Variants in MACROD2 observed in about 807,000 individuals in gnomAD.
The protein encoded by MACROD2 is ADP-ribose glycohydrolase MACROD2.
In MACROD2, 36 loss-of-function variants were observed where a neutral mutation model predicts 70.4. The observed-to-expected ratio is 0.51, with a 90% confidence interval of 0.39 to 0.68. The LOEUF is 0.68. Among genes scored for constraint, MACROD2 ranks in the 30% least tolerant of loss-of-function variants. The pLI, the probability that MACROD2 is intolerant of heterozygous loss-of-function variation, is 0.00. For missense variants in MACROD2, 496 were observed against 538.4 expected, an observed-to-expected ratio of 0.92 and a Z score of 0.78; for synonymous variants, 172 against 178.8, an observed-to-expected ratio of 0.96 and a Z score of 0.30.
rs116314494 is a variant in MACROD2, at chr20:14,687,437, T to G, written c.418+2478T>G. On this transcript the variant is annotated intron_variant, in intron 5 of 17. Coordinates refer to ENST00000684519, the MANE Select transcript of MACROD2 (RefSeq NM_001351661.2). The stretch of plus-strand genomic sequence containing the variant: ...TCCTTTGAATACAATTCATCTTATT[T>G]TAGGGTTATTGAAGACTTGCACAAT... Among the ~76,000 whole-genome samples, 699 of 152,258 alleles carry G rather than the reference T, an allele frequency of 4.6e-3. 3 individuals carry two copies. The highest frequency in any genetic ancestry group is 0.016 in the African/African-American group (677 of 41,538).
chr20:16,021,072 A>G (rs967733605), intron 15 of MACROD2, among the ~76,000 whole-genome samples: 10 of 152,222 alleles, frequency 6.6e-5, no homozygotes, highest in African/African-American at 2.4e-4. Flanking sequence ...TGCTTCTGCC[A>G]TGACTCATTC....
chr20:15,387,896 C>T (rs541199330), intron 6 of MACROD2, among the ~76,000 whole-genome samples: 1 of 151,094 alleles, frequency 6.6e-6, no homozygotes, highest in South Asian at 2.1e-4. Context: ...GTGCATGCCA[C>T]CATGTCCAGC....
intron 5 of MACROD2, among the ~76,000 whole-genome samples, chr20:15,142,960 T>C (rs6074850): frequency 0.59 from 89,458 of 151,816 alleles, 26,496 homozygotes; most frequent in East Asian, 0.65. Flanking sequence ...TGAATACTGC[T>C]GCAATAAACA....
At chr20:15,931,349 T>G (rs988280346) in intron 10 of MACROD2, among the ~76,000 whole-genome samples, 1 of 152,168 alleles carries the variant, frequency 6.6e-6, no homozygotes, top group Non-Finnish European at 1.5e-5. Context: ...CAGGTTCTCA[T>G]ATTATATTCA....
intron 3 of MACROD2, among the ~76,000 whole-genome samples, chr20:14,274,477 G>T (rs2082230880): frequency 6.6e-6 from 1 of 152,048 alleles, no homozygotes; most frequent in Non-Finnish European, 1.5e-5. Context: ...AATAAATTAG[G>T]TATTGATGGG....
intron 5 of MACROD2, among the ~76,000 whole-genome samples, chr20:14,987,661 C>A (rs149231293): frequency 1.3e-5 from 2 of 151,972 alleles, no homozygotes; most frequent in African/African-American, 4.8e-5. Flanking sequence ...TATAAAGGAA[C>A]AAAAAATTAC....
chr20:14,816,804 G>A (rs2072779076), intron 5 of MACROD2, among the ~76,000 whole-genome samples: 1 of 151,684 alleles, frequency 6.6e-6, no homozygotes, highest in African/African-American at 2.4e-5. Context: ...ATGAGATTCT[G>A]GCCTTAAAAC....
intron 7 of MACROD2, among the ~76,000 whole-genome samples, chr20:15,446,319 TAGTTAA>T (rs1450096133): frequency 1.3e-5 from 2 of 152,176 alleles, no homozygotes; most frequent in African/African-American, 4.8e-5. Context: ...AGATCCTTTA[TAGTTAA>T]AGGTGATGCA....
At chr20:14,370,210 A>C (rs1420261431) in intron 3 of MACROD2, among the ~76,000 whole-genome samples, 1 of 152,158 alleles carries the variant, frequency 6.6e-6, no homozygotes, top group Non-Finnish European at 1.5e-5. Context: ...ATATTAATGT[A>C]TGAGTTATAA....
chr20:15,044,549 T>C (rs2075378814), intron 5 of MACROD2, among the ~76,000 whole-genome samples: 1 of 152,144 alleles, frequency 6.6e-6, no homozygotes. Flanking sequence ...ACTGTCTCAA[T>C]GGACTTCTCT....
intron 5 of MACROD2, among the ~76,000 whole-genome samples, chr20:15,169,502 C>T (rs888919081): frequency 6.6e-6 from 1 of 152,252 alleles, no homozygotes; most frequent in African/African-American, 2.4e-5. Context: ...AGTAACTGCA[C>T]CAGCCACTAT....
chr20:15,735,045 C>T (rs1156795516), intron 8 of MACROD2, among the ~76,000 whole-genome samples: 1 of 152,138 alleles, frequency 6.6e-6, no homozygotes, highest in African/African-American at 2.4e-5. Context: ...ACTGCAACCT[C>T]CACCTCCCAG....
chr20:15,602,050 GT>G (rs2048829160), intron 8 of MACROD2, among the ~76,000 whole-genome samples: 1 of 151,988 alleles, frequency 6.6e-6, no homozygotes, highest in African/African-American at 2.4e-5. Flanking sequence ...AACTTGAACT[GT>G]TTCGATTCTT....
intron 5 of MACROD2, among the ~76,000 whole-genome samples, chr20:14,911,877 A>C (rs1378025414): frequency 6.6e-6 from 1 of 152,136 alleles, no homozygotes; most frequent in Non-Finnish European, 1.5e-5. Flanking sequence ...AGGCATGACG[A>C]AGTCTAATTT....
intron 3 of MACROD2, among the ~76,000 whole-genome samples, chr20:14,235,677 G>A (rs1344106978): frequency 2.0e-5 from 3 of 152,130 alleles, no homozygotes; most frequent in East Asian, 1.9e-4. Flanking sequence ...GTTGCATAAC[G>A]TGGTCTGTGT....
At chr20:14,317,152 A>T (rs1013332467) in intron 3 of MACROD2, among the ~76,000 whole-genome samples, 1 of 152,016 alleles carries the variant, frequency 6.6e-6, no homozygotes, top group Non-Finnish European at 1.5e-5. Context: ...TGCTCAGAAC[A>T]CTGTTCATTT....
chr20:15,410,595 T>A (rs970145096), intron 6 of MACROD2, among the ~76,000 whole-genome samples: 1 of 152,180 alleles, frequency 6.6e-6, no homozygotes, highest in African/African-American at 2.4e-5. Context: ...TCTACTGATA[T>A]ACCACTGTCA....
At chr20:14,125,875 G>A (rs1290600394) in intron 3 of MACROD2, among the ~76,000 whole-genome samples, 44 of 152,184 alleles carry the variant, frequency 2.9e-4, no homozygotes, top group Non-Finnish European at 2.9e-5. Flanking sequence ...GGTTGGACTG[G>A]ATTGGATTAG....
intron 3 of MACROD2, among the ~76,000 whole-genome samples, chr20:14,204,271 A>G (rs985439366): frequency 6.6e-6 from 1 of 152,128 alleles, no homozygotes; most frequent in Non-Finnish European, 1.5e-5. Context: ...TCTCTTGAGT[A>G]TCGGATACTG....
Sources: allele counts gnomAD v4.1 joint callset (sites outside exome capture counted in the v4.1 genomes callset), GRCh38; gene constraint gnomAD v4.1.1; transcripts MANE v1.5; gene names NCBI Gene and HGNC (gene_info 2026-07-23, HGNC 2026-07-21).